The following DCDC1 variants were observed in gnomAD, a reference collection of about 807,000 sequenced individuals.
The protein encoded by DCDC1 is doublecortin domain-containing protein 1.
A neutral mutation model predicts 178.3 loss-of-function variants in DCDC1; 200 were observed. The observed-to-expected ratio is 1.12, with a 90% CI of 1.00 to 1.26. The LOEUF (loss-of-function observed/expected upper bound fraction) is 1.26, where lower values mean the gene tolerates loss of function less well. Among genes scored for constraint, DCDC1 ranks in the 50% most tolerant of loss-of-function variants. The pLI, the probability that DCDC1 is intolerant of heterozygous loss-of-function variation, is 0.00. For missense variants in DCDC1, 1,983 were observed against 1,749.2 expected, an observed-to-expected ratio of 1.13 and a Z score of -2.38; for synonymous variants, 690 against 604.8, an observed-to-expected ratio of 1.14 and a Z score of -2.07.
At chr11:31,075,216 T>C (rs1200270813) in intron 18 of DCDC1, among the ~76,000 whole-genome samples, 1 of 152,212 alleles carries the variant, frequency 6.6e-6, no homozygotes, top group Non-Finnish European at 1.5e-5. Flanking sequence ...TGCAGCAAAA[T>C]ATATTATTTC....
chr11:30,957,630 C>G (rs928398171), intron 20 of DCDC1, among the ~76,000 whole-genome samples: 1 of 152,154 alleles, frequency 6.6e-6, no homozygotes, highest in Non-Finnish European at 1.5e-5. Flanking sequence ...AGATCATCCT[C>G]TTTGCAACAG....
In DCDC1 at chr11:30,899,527, T is replaced by G; in HGVS notation, c.4765+14A>C. On this transcript the variant is annotated intron_variant, in intron 34 of 38. Transcript: ENST00000684477. ...GAATTAAATATGGTTATGCTTGATA[T>G]AGTTCATACTGACCTTTTAACTGTC... 2 of 1,476,284 alleles carry G rather than the reference T, an allele frequency of 1.4e-6. No individual in the cohort carries two copies. Among genetic ancestry groups the G allele is most frequent in the Non-Finnish European group, 9.0e-7 (1 of 1,108,094 alleles). The allele number at this position is 1,476,284 out of a possible 1,614,324, so 91.4% of individuals were successfully genotyped here. A position where few individuals can be genotyped will look rare whatever the true frequency, so the allele number is the denominator to read the frequency against.
In DCDC1 at chr11:30,892,609, A is replaced by G. The variant is rs142845335; in HGVS notation, c.5082+209T>C. ...GGACAAGTTGCCTATTCAGATTCAC[A>G]TCTATGTCAGACAGCATTGAACTTC... On this transcript the variant is annotated intron_variant, in intron 36 of 38. Transcript: ENST00000684477. Among the ~76,000 whole-genome samples, 159 of 152,320 alleles carry G rather than the reference A, an allele frequency of 1.0e-3. 1 individual carries two copies. Among genetic ancestry groups the G allele is most frequent in the African/African-American group, 3.6e-3 (151 of 41,572 alleles).
At chr11:31,180,276 G>A (rs1968610326) in intron 9 of DCDC1, among the ~76,000 whole-genome samples, 1 of 152,168 alleles carries the variant, frequency 6.6e-6, no homozygotes, top group Non-Finnish European at 1.5e-5. Flanking sequence ...AAAATAGCTA[G>A]AAGACAGGCT....
chr11:31,237,520 AC>A (rs1976609926), intron 9 of DCDC1, among the ~76,000 whole-genome samples: 1 of 151,966 alleles, frequency 6.6e-6, no homozygotes, highest in African/African-American at 2.4e-5. Context: ...GAGACTACAT[AC>A]ATGCAAAAAA....
At chr11:31,174,519 G>A (rs1199097968) in intron 9 of DCDC1, among the ~76,000 whole-genome samples, 1 of 152,160 alleles carries the variant, frequency 6.6e-6, no homozygotes, top group African/African-American at 2.4e-5. Flanking sequence ...AGGCAGACGG[G>A]CTTCTGAGTG....
At chr11:31,210,219 G>T (rs898684061) in intron 9 of DCDC1, among the ~76,000 whole-genome samples, 3 of 152,140 alleles carry the variant, frequency 2.0e-5, no homozygotes, top group Non-Finnish European at 2.9e-5. Flanking sequence ...GCCCTCCCAC[G>T]CAAAGAGAAG....
chr11:31,208,094 T>G (rs1477716628), intron 9 of DCDC1, among the ~76,000 whole-genome samples: 1 of 152,208 alleles, frequency 6.6e-6, no homozygotes, highest in African/African-American at 2.4e-5. Flanking sequence ...CTCTCACCCT[T>G]GGTGATCTCA....
chr11:30,910,925 G>T (rs189258658), intron 28 of DCDC1, among the ~76,000 whole-genome samples: 1 of 152,280 alleles, frequency 6.6e-6, no homozygotes, highest in African/African-American at 2.4e-5. Context: ...TTTCTCTCCA[G>T]CTGCCAAGGC....
intron 9 of DCDC1, among the ~76,000 whole-genome samples, chr11:31,149,744 GC>G (rs1964953543): frequency 1.3e-5 from 2 of 150,764 alleles, no homozygotes; most frequent in Admixed American, 1.3e-4. Context: ...ATCACTCACT[GC>G]GAAGGTCTGT....
chr11:31,163,691 A>G (rs539409496), intron 9 of DCDC1, among the ~76,000 whole-genome samples: 53 of 152,302 alleles, frequency 3.5e-4, no homozygotes, highest in African/African-American at 1.2e-3. Flanking sequence ...AGCATATTGC[A>G]TTTATCTAAT....
At chr11:31,201,971 A>T (rs1565423140) in intron 9 of DCDC1, among the ~76,000 whole-genome samples, 1 of 152,212 alleles carries the variant, frequency 6.6e-6, no homozygotes, top group Non-Finnish European at 1.5e-5. Context: ...TTAAAAGTAT[A>T]AAATGGTATT....
At chr11:30,921,111 C>T (rs912042593) in intron 24 of DCDC1, among the ~76,000 whole-genome samples, 176 bp from the exon 25 acceptor site, 1 of 152,130 alleles carries the variant, frequency 6.6e-6, no homozygotes, top group Non-Finnish European at 1.5e-5. Context: ...TCTTTACTCT[C>T]AAGATATTCT....
chr11:30,990,879 G>C (rs937269372), intron 20 of DCDC1, among the ~76,000 whole-genome samples: 13 of 152,118 alleles, frequency 8.5e-5, no homozygotes, highest in Admixed American at 8.5e-4. Flanking sequence ...AAGTAACATG[G>C]GTGAGAACTT....
chr11:30,884,222 G>T (rs1280697898), intron 36 of DCDC1, among the ~76,000 whole-genome samples: 1 of 151,678 alleles, frequency 6.6e-6, no homozygotes, highest in Non-Finnish European at 1.5e-5. Context: ...GTAGAGACAG[G>T]GTTTCACCAT....
chr11:31,266,783 A>G (rs1185391885), intron 7 of DCDC1, among the ~76,000 whole-genome samples: 1 of 152,212 alleles, frequency 6.6e-6, no homozygotes, highest in Non-Finnish European at 1.5e-5. Context: ...GCTTTGTGAC[A>G]ATGTATGTAT....
intron 9 of DCDC1, among the ~76,000 whole-genome samples, chr11:31,172,425 C>G (rs571084471): frequency 1.3e-5 from 2 of 152,022 alleles, no homozygotes; most frequent in Non-Finnish European, 2.9e-5. Context: ...TTTTCCATCT[C>G]TATTATTGTC....
chr11:31,355,776 C>T (rs532972277), intron 1 of DCDC1, among the ~76,000 whole-genome samples: 1 of 152,044 alleles, frequency 6.6e-6, no homozygotes, highest in South Asian at 2.1e-4. Flanking sequence ...ACCATGTTGG[C>T]CAGGCCGGTC....
chr11:31,047,834 G>C (rs776260643), intron 20 of DCDC1, among the ~76,000 whole-genome samples: 1 of 152,040 alleles, frequency 6.6e-6, no homozygotes, highest in African/African-American at 2.4e-5. Context: ...ATAAAATTTA[G>C]CAGTGCACAA....
Sources: gnomAD v4.1 joint callset for allele counts (sites outside exome capture counted in the v4.1 genomes callset) on GRCh38, gnomAD v4.1.1 for gene constraint, MANE v1.5 for transcripts, NCBI Gene and HGNC (gene_info 2026-07-23, HGNC 2026-07-21) for gene names.